NEGR1: variants seen among roughly 807,000 people sequenced by gnomAD.
NEGR1 encodes neuronal growth regulator 1.
Under a neutral mutation model 40.9 loss-of-function variants are expected in NEGR1, and 10 were observed. That is an observed-to-expected ratio of 0.24 (90% CI 0.15 to 0.42). NEGR1 has a LOEUF of 0.42. NEGR1 is among the 10% of genes least tolerant of loss of function. The pLI is 1.00. For synonymous variants in NEGR1, 185 were observed against 166.8 expected (o/e 1.11, Z -0.84); for missense variants, 352 against 438.9 (o/e 0.80, Z 1.77).
chr1:72,266,722 TAA>T (rs921177399), intron 1 of NEGR1, among the ~76,000 whole-genome samples: 12 of 60,958 alleles, frequency 2.0e-4, no homozygotes, highest in South Asian at 4.7e-4. Context: ...TATAGACAGA[TAA>T]ACACACACAC....
chr1:71,665,652 T>C (rs549182798), intron 4 of NEGR1, among the ~76,000 whole-genome samples: 1 of 152,292 alleles, frequency 6.6e-6, no homozygotes, highest in South Asian at 2.1e-4. Context: ...CATTCTTCAC[T>C]AAACTCTTAA....
intron 4 of NEGR1, among the ~76,000 whole-genome samples, chr1:71,635,688 G>T (rs1378585232): frequency 6.6e-6 from 1 of 152,064 alleles, no homozygotes; most frequent in Non-Finnish European, 1.5e-5. Context: ...AAAACATGTG[G>T]AGTTTGATAA....
At chr1:71,546,391 C>A (rs1647896869) in intron 6 of NEGR1, among the ~76,000 whole-genome samples, 1 of 151,532 alleles carries the variant, frequency 6.6e-6, no homozygotes, top group South Asian at 2.1e-4. Flanking sequence ...AATAAGACAG[C>A]ATATGCTTTC....
intron 1 of NEGR1, among the ~76,000 whole-genome samples, chr1:72,221,701 T>A (rs1265115210): frequency 6.6e-6 from 1 of 152,086 alleles, no homozygotes; most frequent in Non-Finnish European, 1.5e-5. Flanking sequence ...AATCCTGAAG[T>A]CCTATTAATT....
intron 3 of NEGR1, among the ~76,000 whole-genome samples, chr1:71,711,290 A>G (rs113917246): frequency 0.081 from 10,522 of 130,244 alleles, 465 homozygotes; most frequent in East Asian, 0.16. Flanking sequence ...GCTTGCAGTG[A>G]GTGGAGATGC....
chr1:71,476,285 A>G (rs1487622997), intron 6 of NEGR1, among the ~76,000 whole-genome samples: 1 of 152,136 alleles, frequency 6.6e-6, no homozygotes, highest in Non-Finnish European at 1.5e-5. Flanking sequence ...CTTGACTTGC[A>G]TCTTTCCTTT....
intron 6 of NEGR1, among the ~76,000 whole-genome samples, chr1:71,566,318 C>T (rs1478084784): frequency 2.0e-5 from 3 of 151,930 alleles, no homozygotes; most frequent in Non-Finnish European, 4.4e-5. Context: ...TATCAACAAA[C>T]TAGGGTAAAA....
intron 6 of NEGR1, among the ~76,000 whole-genome samples, chr1:71,446,152 T>C (rs922858380): frequency 1.1e-4 from 17 of 152,200 alleles, no homozygotes; most frequent in Admixed American, 1.0e-3. Context: ...TATGACCATA[T>C]TAGCAAATAT....
At chr1:71,582,660 G>A (rs936717513) in intron 6 of NEGR1, among the ~76,000 whole-genome samples, 1 of 152,132 alleles carries the variant, frequency 6.6e-6, no homozygotes, top group Non-Finnish European at 1.5e-5. Context: ...AACAAAATAT[G>A]CTTTGGGCAG....
At chr1:72,248,596 A>ATTATTATTATTG (rs1332231596) in intron 1 of NEGR1, among the ~76,000 whole-genome samples, 2 of 143,718 alleles carry the variant, frequency 1.4e-5, no homozygotes, top group Non-Finnish European at 3.0e-5. Context: ...TATTATTATT[A>ATTATTATTATTG]TTATTATTAT....
At chr1:71,843,800 A>G (rs1203925101) in intron 2 of NEGR1, among the ~76,000 whole-genome samples, 2 of 152,190 alleles carry the variant, frequency 1.3e-5, no homozygotes, top group Admixed American at 6.6e-5. Flanking sequence ...TTTTCTAATT[A>G]AAAAGGCATG....
chr1:71,440,589 C>G (rs1297136778), intron 6 of NEGR1, among the ~76,000 whole-genome samples: 2 of 152,118 alleles, frequency 1.3e-5, no homozygotes, highest in Non-Finnish European at 2.9e-5. Flanking sequence ...ACTACTGATT[C>G]CTTTAGACAT....
chr1:71,450,208 C>G (rs950923024), intron 6 of NEGR1, among the ~76,000 whole-genome samples: 3 of 151,726 alleles, frequency 2.0e-5, no homozygotes, highest in African/African-American at 4.8e-5. Context: ...TTAGGTTTGT[C>G]TCAAACTCCT....
intron 1 of NEGR1, among the ~76,000 whole-genome samples, chr1:72,121,702 T>C (rs529322274): frequency 6.6e-6 from 1 of 152,156 alleles, no homozygotes; most frequent in African/African-American, 2.4e-5. Flanking sequence ...CTGTAAGAAC[T>C]GTAAGAAAAT....
chr1:71,484,907 G>T (rs1646876898), intron 6 of NEGR1: 1 of 151,544 alleles, frequency 6.6e-6, no homozygotes. Flanking sequence ...ACACTGATTT[G>T]GTTCAAATTT....
intron 6 of NEGR1, among the ~76,000 whole-genome samples, chr1:71,455,777 T>C (rs891660682): frequency 6.6e-6 from 1 of 152,186 alleles, no homozygotes; most frequent in African/African-American, 2.4e-5. Flanking sequence ...CTTTATTACA[T>C]TTTTATGTCT....
chr1:71,729,476 T>G (rs1423319288), intron 3 of NEGR1, among the ~76,000 whole-genome samples: 1 of 152,184 alleles, frequency 6.6e-6, no homozygotes. Context: ...AGATGCTTTT[T>G]TCTATTTTGC....
At chr1:71,993,915 A>G (rs1646477966) in intron 1 of NEGR1, among the ~76,000 whole-genome samples, 1 of 151,984 alleles carries the variant, frequency 6.6e-6, no homozygotes, top group African/African-American at 2.4e-5. Flanking sequence ...GCTCTTTTTT[A>G]TTTAGGCATG....
intron 1 of NEGR1, among the ~76,000 whole-genome samples, chr1:72,008,729 T>C (rs1021612870): frequency 1.3e-5 from 2 of 152,096 alleles, no homozygotes; most frequent in African/African-American, 4.8e-5. Flanking sequence ...CAGTGTTTAG[T>C]GTAACTTGTC....
Sources: allele counts gnomAD v4.1 joint callset (sites outside exome capture counted in the v4.1 genomes callset), GRCh38; gene constraint gnomAD v4.1.1; transcripts MANE v1.5; gene names NCBI Gene and HGNC (gene_info 2026-07-23, HGNC 2026-07-21).